The following CFAP43 variants were observed in gnomAD, a reference collection of about 807,000 sequenced individuals.
CFAP43 encodes the protein cilia and flagella associated protein 43.
A neutral mutation model predicts 218.9 loss-of-function variants in CFAP43; 155 were observed. The ratio of observed to expected loss-of-function variants is 0.71; its 90% CI spans 0.62 to 0.81. The LOEUF (loss-of-function observed/expected upper bound fraction) is 0.81. Among genes scored for constraint, CFAP43 ranks in the 30% least tolerant of loss-of-function variants. The pLI is 0.00. For missense variants in CFAP43, 1,778 were observed against 1,954.3 expected (o/e 0.91, Z 1.70); for synonymous variants, 645 against 681.3 (o/e 0.95, Z 0.83).
chr10:104,220,702 T>C (rs1433900977), intron 3 of CFAP43, among the ~76,000 whole-genome samples: 4 of 152,168 alleles, frequency 2.6e-5, no homozygotes, highest in Non-Finnish European at 5.9e-5. Flanking sequence ...CTTTGCCCCA[T>C]ATCTGACACT....
chr10:104,193,788 A>G (rs1318417970), intron 11 of CFAP43, 78 bp downstream of exon 11: 2 of 1,501,360 alleles, frequency 1.3e-6, no homozygotes, highest in Non-Finnish European at 1.8e-6. Flanking sequence ...CTTAAAATTA[A>G]AAGAAAGGAT....
In CFAP43 at chr10:104,207,822, C is replaced by T. The variant is rs139043615; in HGVS notation, c.738G>A (p.Pro246=). 2.7e-3 allele frequency: 4,363 copies of T among 1,610,692 alleles called. 23 individuals carry two copies. Among genetic ancestry groups the T allele is most frequent in the South Asian group, 0.013 (1,213 of 90,266 alleles). Residue 246 remains proline, a splice_region_variant and synonymous_variant, in exon 6 of 38, where the codon CCG becomes CCA. Coordinates refer to ENST00000357060, the MANE Select transcript of CFAP43 (RefSeq NM_025145.7). The stretch of plus-strand genomic sequence containing the variant: ...GAAGCAAAGGATATAGATCATCTTT[C>T]GGCTTCAGGGAGAGAATAAAACCTT... The part of the protein sequence containing the change: ...LVGKEAETFR[P]KDDLYPLLHP...
rs1329202643 is a variant in CFAP43, at chr10:104,203,719, T to C, written c.1048A>G (p.Met350Val). The change falls in exon 8 of 38, where the codon ATG (methionine) becomes GTG (valine). Residue 350 changes from methionine (M) to valine (V), a missense_variant. By Grantham distance (21) the Met-to-Val change is conservative. Coordinates refer to ENST00000357060, the MANE Select transcript of CFAP43 (RefSeq NM_025145.7). ...ACTGTATAATTGGGAGAAAATGTCA[T>C]ATGTTCTACAGGTCTTTCAATCTCA... ...FLEIERPVEH[M>V]TFSPNYTVLL... 1 of 1,611,924 alleles carries C rather than the reference T, an allele frequency of 6.2e-7. No individual in the cohort carries two copies. Among genetic ancestry groups the C allele is most frequent in the Admixed American group, 1.7e-5 (1 of 59,726 alleles).
intron 27 of CFAP43, among the ~76,000 whole-genome samples, chr10:104,157,775 T>TGTGTGTGTGAGAGA (rs1484523345): frequency 7.8e-5 from 7 of 90,106 alleles, no homozygotes; most frequent in African/African-American, 2.0e-4. Flanking sequence ...TGTGTGTGTG[T>TGTGTGTGTGAGAGA]GAGAGAGAGA....
chr10:104,157,809 A>AGAGAGAGAGAGAGAGAGAGAG (rs1564734069), intron 27 of CFAP43, among the ~76,000 whole-genome samples: 1 of 136,138 alleles, frequency 7.3e-6, no homozygotes, highest in Admixed American at 7.4e-5. Flanking sequence ...AGAGAGAGAG[A>AGAGAGAGAGAGAGAGAGAGAG]ATGACTCCTA....
chr10:104,199,257 T>C (rs2090462711), intron 8 of CFAP43, among the ~76,000 whole-genome samples: 1 of 152,228 alleles, frequency 6.6e-6, no homozygotes, highest in South Asian at 2.1e-4. Context: ...GCTGGTAATA[T>C]AATATGGTCA....
At chr10:104,227,373 C>G (rs763874337) in intron 2 of CFAP43, among the ~76,000 whole-genome samples, 5 of 152,178 alleles carry the variant, frequency 3.3e-5, no homozygotes, top group Non-Finnish European at 7.3e-5. Flanking sequence ...CAGAAAGACT[C>G]TATCAATTTA....
chr10:104,173,464 T>C (rs1244530032), intron 19 of CFAP43, among the ~76,000 whole-genome samples: 1 of 152,164 alleles, frequency 6.6e-6, no homozygotes, highest in Non-Finnish European at 1.5e-5. Context: ...TGCTGGCAGG[T>C]TGATTAGCTG....
rs1420853444 is a variant in CFAP43 at position 104,214,247 on chromosome 10, A to G, written c.584+12T>C. The G allele has an allele frequency of 1.3e-6, 2 of 1,556,662 alleles. No homozygotes were observed. ...ACCACCATGTTGCTACTGTTGTAACAAAGGCTCCTACCTTGCTCTGAAACA... is the reference window on the plus strand; with the variant it reads ...ACCACCATGTTGCTACTGTTGTAACGAAGGCTCCTACCTTGCTCTGAAACA... On this transcript the variant is annotated intron_variant, in intron 4 of 37. Coordinates refer to ENST00000357060, the MANE Select transcript of CFAP43 (RefSeq NM_025145.7).
At chr10:104,134,338 CAGTG>C (rs1329506503) in intron 34 of CFAP43, among the ~76,000 whole-genome samples, 1 of 152,100 alleles carries the variant, frequency 6.6e-6, no homozygotes, top group Non-Finnish European at 1.5e-5. Flanking sequence ...GTCAAGGCTG[CAGTG>C]AGCCGTGTTC....
At chr10:104,143,207 A>T (rs1350885519) in intron 32 of CFAP43, among the ~76,000 whole-genome samples, 1 of 152,184 alleles carries the variant, frequency 6.6e-6, no homozygotes, top group Non-Finnish European at 1.5e-5. Context: ...TGGCTAATGG[A>T]CACTATTTTG....
At chr10:104,200,321 C>T (rs1008386721) in intron 8 of CFAP43, among the ~76,000 whole-genome samples, 3 of 152,112 alleles carry the variant, frequency 2.0e-5, no homozygotes, top group Admixed American at 6.5e-5. Flanking sequence ...ATCTGCATCT[C>T]GTTATTGGGC....
At chr10:104,175,092 A>AAACAAAC (rs1373261415) in intron 19 of CFAP43, among the ~76,000 whole-genome samples, 5 of 148,354 alleles carry the variant, frequency 3.4e-5, no homozygotes, top group Non-Finnish European at 7.5e-5. Context: ...AACAAACAAA[A>AAACAAAC]AAAAACCAAA....
In CFAP43 at chr10:104,187,500, A is replaced by C. The variant is rs2090069300; in HGVS notation, c.1688-8T>G. On this transcript the variant is annotated splice_polypyrimidine_tract_variant and splice_region_variant and intron_variant, in intron 13 of 37. Transcript: ENST00000357060. ...CAGCAAAGGTTGTGGAAACTATTAG[A>C]TTTGGAAAAAGAAGAGAAATCACTT... is the stretch of plus-strand genomic sequence containing the variant. The C allele has an allele frequency of 6.5e-7, 1 of 1,534,404 alleles. No homozygotes were observed. Among genetic ancestry groups the C allele is most frequent in the Non-Finnish European group, 8.7e-7 (1 of 1,145,076 alleles).
chr10:104,149,344 G>A (rs1194459826), intron 28 of CFAP43, among the ~76,000 whole-genome samples: 1 of 152,076 alleles, frequency 6.6e-6, no homozygotes, highest in Non-Finnish European at 1.5e-5. Context: ...GATGCAAAAT[G>A]GTGAAAATCT....
intron 29 of CFAP43, among the ~76,000 whole-genome samples, chr10:104,146,743 T>C (rs554434034): frequency 9.2e-5 from 14 of 152,252 alleles, no homozygotes; most frequent in African/African-American, 3.4e-4. Context: ...TCTACAATCA[T>C]CAGCTGGGAA....
At chr10:104,162,784 A>T (rs946266456) in intron 24 of CFAP43, among the ~76,000 whole-genome samples, 1 of 148,626 alleles carries the variant, frequency 6.7e-6, no homozygotes, top group Non-Finnish European at 1.5e-5. Flanking sequence ...ACCAGAATGG[A>T]GCCAGGTGGG....
rs968963420 is a variant in CFAP43, at chr10:104,132,614, C to CA, written c.4597-419dup. ...GGGCAAAAAGAGCAAAACCCCATCT[C>CA]AAAAAAAACAAAAAAAGATTGATTT... On this transcript the variant is annotated intron_variant, in intron 35 of 37. Transcript: ENST00000357060. 5.9e-5 allele frequency: 58 copies of CA among 980,896 alleles called. No individual in the cohort carries two copies. The East Asian group carries it at 6.8e-4, about 12-fold the overall frequency. 60.8% of individuals were successfully genotyped at this position (980,896 alleles called of 1,614,324 possible). A position where few individuals can be genotyped will look rare whatever the true frequency, so the allele number is the denominator to read the frequency against.
At chr10:104,157,517 A>C (rs541606058) in intron 27 of CFAP43, among the ~76,000 whole-genome samples, 2 of 152,276 alleles carry the variant, frequency 1.3e-5, no homozygotes, top group East Asian at 3.9e-4. Flanking sequence ...GGGAAGAGGC[A>C]GAGATAGTTT....
Sources: gnomAD v4.1 joint callset for allele counts (sites outside exome capture counted in the v4.1 genomes callset) on GRCh38, gnomAD v4.1.1 for gene constraint, MANE v1.5 for transcripts, NCBI Gene and HGNC (gene_info 2026-07-23, HGNC 2026-07-21) for gene names.